The following MAPK6 variants were observed in gnomAD, a reference collection of about 807,000 sequenced individuals.
MAPK6 encodes the protein ERK-3.
Under a neutral mutation model 59.3 loss-of-function variants are expected in MAPK6, and 19 were observed. That is an observed-to-expected ratio of 0.32 (90% CI 0.22 to 0.47). The LOEUF is 0.47. Ranked by LOEUF, MAPK6 falls within the 20% of genes least tolerant of loss-of-function variation. The pLI is 1.00. For missense variants in MAPK6, 724 were observed against 847.9 expected (o/e 0.85, Z 1.81); for synonymous variants, 316 against 290.3 (o/e 1.09, Z -0.90).
chr15:52,038,039 G>A (rs767315905), intron 1 of MAPK6, among the ~76,000 whole-genome samples: 41 of 151,946 alleles, frequency 2.7e-4, no homozygotes, highest in Non-Finnish European at 4.7e-4. Flanking sequence ...CAAAAGAAAA[G>A]GGAGTGAAAA....
chr15:52,054,875 C>T (rs2031913643), intron 3 of MAPK6, among the ~76,000 whole-genome samples: 1 of 152,124 alleles, frequency 6.6e-6, no homozygotes, highest in African/African-American at 2.4e-5. Context: ...GCAACCTCCG[C>T]CTCCCAGGTT....
intron 3 of MAPK6, among the ~76,000 whole-genome samples, chr15:52,054,737 C>A (rs1000455768): frequency 1.3e-5 from 2 of 149,388 alleles, no homozygotes; most frequent in African/African-American, 5.0e-5. Flanking sequence ...TATACACACA[C>A]ACACACACAC....
At chr15:51,997,950 T>C (rs554567457) in intron 2 of MAPK6, among the ~76,000 whole-genome samples, 1 of 151,652 alleles carries the variant, frequency 6.6e-6, no homozygotes, top group South Asian at 2.1e-4. Context: ...TCTTTCTTTC[T>C]TTTTTTCTTT....
chr15:52,001,925 C>T (rs1891179811), intron 2 of MAPK6, among the ~76,000 whole-genome samples: 1 of 152,052 alleles, frequency 6.6e-6, no homozygotes, highest in South Asian at 2.1e-4. Flanking sequence ...TCCCATGTGT[C>T]AGAGTCTCAC....
At chr15:52,030,360 A>G (rs1338018704) in intron 1 of MAPK6, among the ~76,000 whole-genome samples, 1 of 152,218 alleles carries the variant, frequency 6.6e-6, no homozygotes, top group Non-Finnish European at 1.5e-5. Context: ...TGCCTGGCAC[A>G]TGCTAAGTGC....
intron 1 of MAPK6, among the ~76,000 whole-genome samples, chr15:51,977,774 C>T (rs1204043020): frequency 2.0e-5 from 3 of 151,698 alleles, no homozygotes; most frequent in South Asian, 2.1e-4. Flanking sequence ...TGGCCTCAAG[C>T]GATCCTCCCA....
rs759835661 is a variant in MAPK6, at chr15:52,050,153, G to C, written c.700+16G>C. On this transcript the variant is annotated intron_variant, in intron 3 of 5. Coordinates refer to ENST00000261845, the MANE Select transcript of MAPK6 (RefSeq NM_002748.4). The stretch of plus-strand genomic sequence containing the variant: ...CTTTTTGCAGGTTAGTATTTTGTGG[G>C]GGGAAAAATTTTCCCAAAGAGAAGT... The C allele has an allele frequency of 6.3e-7, 1 of 1,583,194 alleles. No individual in the cohort carries two copies. The highest frequency in any genetic ancestry group is 1.4e-5 in the African/African-American group (1 of 72,666).
chr15:52,035,682 A>AT (rs997497557), intron 1 of MAPK6: 1 of 151,666 alleles, frequency 6.6e-6, no homozygotes, highest in African/African-American at 2.4e-5. Context: ...GTTGGGGCTT[A>AT]TAGTTGGGCC....
intron 4 of MAPK6, among the ~76,000 whole-genome samples, chr15:52,059,175 C>G (rs2032099531): frequency 6.6e-6 from 1 of 152,210 alleles, no homozygotes; most frequent in African/African-American, 2.4e-5. Flanking sequence ...GTTCCACATT[C>G]TTAATCAGTC....
chr15:51,975,287 A>C (rs1182707080), intron 1 of MAPK6, among the ~76,000 whole-genome samples: 3 of 151,820 alleles, frequency 2.0e-5, no homozygotes, highest in African/African-American at 7.2e-5. Context: ...TCACGCCTGT[A>C]ATCCCAGCAC....
upstream of MAPK6, among the ~76,000 whole-genome samples, chr15:52,018,229 A>G (rs2030336372): frequency 1.4e-5 from 1 of 70,208 alleles, no homozygotes; most frequent in African/African-American, 3.5e-5. Context: ...GGCTTTCACC[A>G]TGTTGGCCAT....
chr15:52,005,260 C>G (rs1436364352), intron 3 of MAPK6, among the ~76,000 whole-genome samples: 1 of 152,112 alleles, frequency 6.6e-6, no homozygotes, highest in Non-Finnish European at 1.5e-5. Flanking sequence ...TGCGGTGGCT[C>G]ATGCCTGTAA....
upstream of MAPK6, among the ~76,000 whole-genome samples, chr15:52,015,477 GGAT>G (rs1343593322): frequency 1.3e-5 from 2 of 149,568 alleles, no homozygotes; most frequent in Non-Finnish European, 3.0e-5. Context: ...CCACAGAATG[GGAT>G]TTTTTTTTTT....
chr15:52,032,682 T>G (rs1385349803), intron 1 of MAPK6, among the ~76,000 whole-genome samples: 1 of 151,990 alleles, frequency 6.6e-6, no homozygotes, highest in Non-Finnish European at 1.5e-5. Context: ...TTTAAATACT[T>G]TTTTTCTTTT....
chr15:51,975,357 A>G (rs1595954824), intron 1 of MAPK6, among the ~76,000 whole-genome samples: 1 of 151,612 alleles, frequency 6.6e-6, no homozygotes, highest in Admixed American at 6.6e-5. Context: ...CCTGGCCAAC[A>G]TGGTGAAACC....
chr15:52,028,667 A>G (rs1001782781), intron 1 of MAPK6, among the ~76,000 whole-genome samples: 1 of 152,192 alleles, frequency 6.6e-6, no homozygotes, highest in African/African-American at 2.4e-5. Context: ...GAACATCCCT[A>G]TCATTGCAGA....
chr15:52,020,547 C>T (rs2030485385), intron 1 of MAPK6, among the ~76,000 whole-genome samples: 1 of 151,992 alleles, frequency 6.6e-6, no homozygotes, highest in African/African-American at 2.4e-5. Flanking sequence ...GAGTAATTTT[C>T]TGATGGCTGA....
At chr15:52,009,740 GA>G (rs1423604733) in intron 3 of MAPK6, among the ~76,000 whole-genome samples, 2 of 152,078 alleles carry the variant, frequency 1.3e-5, no homozygotes, top group African/African-American at 4.8e-5. Flanking sequence ...TTATTACAAG[GA>G]AAGCCAGGTT....
Position 52,065,100 on chromosome 15 carries a change from T to C in MAPK6, c.*100T>C. On this transcript the variant is annotated 3_prime_UTR_variant, in exon 6 of 6. Transcript: ENST00000261845. ...CATTTTTTACTTGAATCAGATGGTG[T>C]CATTTAGTAAGGATTTTATGAGTTC... The C allele has an allele frequency of 8.8e-7, 1 of 1,130,332 alleles. No homozygotes were observed. Among genetic ancestry groups the C allele is most frequent in the East Asian group, 2.5e-5 (1 of 39,898 alleles). 70.0% of individuals were successfully genotyped at this position (1,130,332 alleles called of 1,614,324 possible). A position where few individuals can be genotyped will look rare whatever the true frequency, so the allele number is the denominator to read the frequency against.
Sources: allele counts gnomAD v4.1 joint callset (sites outside exome capture counted in the v4.1 genomes callset), GRCh38; gene constraint gnomAD v4.1.1; transcripts MANE v1.5; gene names NCBI Gene and HGNC (gene_info 2026-07-23, HGNC 2026-07-21).